HHAT: variants seen among roughly 807,000 people sequenced by gnomAD.
HHAT encodes protein-cysteine N-palmitoyltransferase HHAT.
In HHAT, 47 loss-of-function variants were observed where a neutral mutation model predicts 70.8. That is an observed-to-expected ratio of 0.66 (90% CI 0.53 to 0.85). The LOEUF (loss-of-function observed/expected upper bound fraction) is 0.85, where lower values mean the gene tolerates loss of function less well. Among genes scored for constraint, HHAT ranks in the 40% least tolerant of loss-of-function variants. The pLI is 0.00. For synonymous variants in HHAT, 228 were observed against 247.6 expected (o/e 0.92, Z 0.74); for missense variants, 609 against 604.8 (o/e 1.01, Z -0.07).
intron 10 of HHAT, among the ~76,000 whole-genome samples, chr1:210,602,097 A>G (rs1301130391): frequency 1.4e-4 from 21 of 152,218 alleles, no homozygotes; most frequent in Admixed American, 1.2e-3. Flanking sequence ...GGGTGATTTC[A>G]CAGAAACCAA....
chr1:210,543,801 G>A (rs2148665788), intron 9 of HHAT, among the ~76,000 whole-genome samples: 1 of 152,188 alleles, frequency 6.6e-6, no homozygotes, highest in Middle Eastern at 3.4e-3. Context: ...GCATGGATGA[G>A]AATCTAGCAA....
chr1:210,423,339 T>C (rs2148293426), intron 7 of HHAT, among the ~76,000 whole-genome samples: 1 of 152,340 alleles, frequency 6.6e-6, no homozygotes, highest in East Asian at 1.9e-4. Flanking sequence ...ATTGAGCTTT[T>C]CACATATTTA....
At chr1:210,482,030 TA>T (rs1265144811) in intron 8 of HHAT, among the ~76,000 whole-genome samples, 31 of 152,270 alleles carry the variant, frequency 2.0e-4, no homozygotes, top group African/African-American at 7.5e-4. Context: ...GTGGACTTTG[TA>T]AGCGATAGTT....
At chr1:210,459,094 C>T (rs2093927608) in intron 7 of HHAT, among the ~76,000 whole-genome samples, 1 of 152,120 alleles carries the variant, frequency 6.6e-6, no homozygotes, top group Non-Finnish European at 1.5e-5. Context: ...TTGGAAGTGG[C>T]CCGTTGTTAG....
At chr1:210,460,292 A>C (rs1446323403) in intron 7 of HHAT, among the ~76,000 whole-genome samples, 1 of 152,196 alleles carries the variant, frequency 6.6e-6, no homozygotes, top group Non-Finnish European at 1.5e-5. Flanking sequence ...ATACAGTTGC[A>C]GCCATTGTTG....
chr1:210,524,755 A>G (rs1475441343), intron 9 of HHAT, among the ~76,000 whole-genome samples: 1 of 152,176 alleles, frequency 6.6e-6, no homozygotes, highest in Non-Finnish European at 1.5e-5. Context: ...CTTCTGCACC[A>G]TGAACTGGAG....
At chr1:210,642,942 CTATGT>C (rs1400279811) in intron 11 of HHAT, among the ~76,000 whole-genome samples, 1 of 152,158 alleles carries the variant, frequency 6.6e-6, no homozygotes, top group African/African-American at 2.4e-5. Context: ...AGATATTGCT[CTATGT>C]TATCTTCTAT....
intron 11 of HHAT, among the ~76,000 whole-genome samples, chr1:210,667,237 C>G (rs1385495452): frequency 6.6e-6 from 1 of 152,046 alleles, no homozygotes; most frequent in Non-Finnish European, 1.5e-5. Context: ...ACACAATTAG[C>G]TGGGCATGGT....
chr1:210,419,714 C>A (rs536673107), intron 7 of HHAT, among the ~76,000 whole-genome samples: 15 of 152,302 alleles, frequency 9.8e-5, no homozygotes, highest in Admixed American at 2.0e-4. Flanking sequence ...TGAAAAAATG[C>A]TAAGCTAGTT....
intron 11 of HHAT, among the ~76,000 whole-genome samples, chr1:210,638,753 T>TAAAAA (rs1268426806): frequency 6.8e-6 from 1 of 146,916 alleles, no homozygotes; most frequent in Admixed American, 6.8e-5. Context: ...AAAATTCTTT[T>TAAAAA]AAATAGCCAG....
intron 2 of HHAT, among the ~76,000 whole-genome samples, chr1:210,355,394 T>G (rs2087506428): frequency 6.6e-6 from 1 of 152,242 alleles, no homozygotes; most frequent in African/African-American, 2.4e-5. Flanking sequence ...CTTACTTGTT[T>G]TTAAAAACTC....
At chr1:210,409,117 C>T (rs372698426) in intron 6 of HHAT, among the ~76,000 whole-genome samples, 16 of 152,204 alleles carry the variant, frequency 1.1e-4, no homozygotes, top group East Asian at 5.8e-4. Flanking sequence ...TCTCTTGCTT[C>T]GGCCTCCCAA....
chr1:210,404,420 C>A, intron 5 of HHAT, 44 bp from the exon 6 acceptor site: 1 of 1,473,346 alleles, frequency 6.8e-7, no homozygotes, highest in Non-Finnish European at 9.5e-7. Flanking sequence ...GGACGATGTC[C>A]CTGCTGGCCA....
chr1:210,520,047 A>T (rs1227094637), intron 9 of HHAT, among the ~76,000 whole-genome samples: 2 of 148,212 alleles, frequency 1.3e-5, no homozygotes, highest in African/African-American at 2.5e-5. Context: ...ACGGAGTCTC[A>T]CTCTATCACC....
At chr1:210,420,281 TTA>T (rs3835412) in intron 7 of HHAT, among the ~76,000 whole-genome samples, 66,551 of 151,950 alleles carry the variant, frequency 0.44, 14,707 homozygotes, top group Admixed American at 0.53. Context: ...TTGTTTAACA[TTA>T]TGTTTTTGAG....
At chr1:210,663,940 C>G (rs1678341527) in intron 11 of HHAT, among the ~76,000 whole-genome samples, 1 of 152,360 alleles carries the variant, frequency 6.6e-6, no homozygotes, top group African/African-American at 2.4e-5. Context: ...AAAGTGACAG[C>G]TGACCATTTT....
At chr1:210,389,393 C>G (rs577976512) in intron 4 of HHAT, among the ~76,000 whole-genome samples, 1 of 152,160 alleles carries the variant, frequency 6.6e-6, no homozygotes, top group Non-Finnish European at 1.5e-5. Context: ...CAGTCCCACT[C>G]CCGTGATAAC....
chr1:210,475,933 GAT>G (rs1318575456), intron 8 of HHAT, among the ~76,000 whole-genome samples: 1 of 152,194 alleles, frequency 6.6e-6, no homozygotes, highest in African/African-American at 2.4e-5. Flanking sequence ...TAAGGATTTA[GAT>G]ATTATCATCA....
At chr1:210,660,231 A>G (rs1446339358) in intron 11 of HHAT, among the ~76,000 whole-genome samples, 1 of 152,234 alleles carries the variant, frequency 6.6e-6, no homozygotes, top group African/African-American at 2.4e-5. Context: ...AGGATACAAA[A>G]TCAATGTGCA....
Sources: gnomAD v4.1 joint callset for allele counts (sites outside exome capture counted in the v4.1 genomes callset) on GRCh38, gnomAD v4.1.1 for gene constraint, MANE v1.5 for transcripts, NCBI Gene and HGNC (gene_info 2026-07-23, HGNC 2026-07-21) for gene names.